Variants in WDR7 observed in about 807,000 individuals in gnomAD.
WDR7 encodes the protein WD repeat-containing protein 7.
In WDR7, 46 loss-of-function variants were observed where a neutral mutation model predicts 169.4. The observed-to-expected ratio is 0.27, with a 90% CI of 0.21 to 0.35. The LOEUF is 0.35. Among genes scored for constraint, WDR7 ranks in the 10% least tolerant of loss-of-function variants. WDR7 has a pLI of 1.00. For missense variants in WDR7, 1,534 were observed against 1,859.3 expected, an observed-to-expected ratio of 0.83 and a Z score of 3.22; for synonymous variants, 612 against 666.8, an observed-to-expected ratio of 0.92 and a Z score of 1.27.
At chr18:56,793,903 A>C (rs2047299718) in intron 19 of WDR7, among the ~76,000 whole-genome samples, 1 of 152,228 alleles carries the variant, frequency 6.6e-6, no homozygotes, top group Non-Finnish European at 1.5e-5. Context: ...AAAACACATC[A>C]AACAGGGACC....
chr18:56,831,920 G>C (rs1051601354), intron 20 of WDR7, among the ~76,000 whole-genome samples: 1 of 152,142 alleles, frequency 6.6e-6, no homozygotes, highest in African/African-American at 2.4e-5. Flanking sequence ...TGTTTGCGCG[G>C]ACACCAAGCT....
chr18:56,677,130 C>G (rs1427329253), intron 2 of WDR7, among the ~76,000 whole-genome samples: 1 of 152,108 alleles, frequency 6.6e-6, no homozygotes, highest in Non-Finnish European at 1.5e-5. Context: ...TCTTTCTGAT[C>G]GAAGTACTCC....
intron 21 of WDR7, among the ~76,000 whole-genome samples, chr18:56,915,604 A>C (rs1265616029): frequency 6.6e-6 from 1 of 152,160 alleles, no homozygotes; most frequent in Non-Finnish European, 1.5e-5. Context: ...AATTGTCTTA[A>C]CTAGGCCAGT....
At chr18:56,771,097 T>A (rs2044148353) in intron 16 of WDR7, among the ~76,000 whole-genome samples, 1 of 152,224 alleles carries the variant, frequency 6.6e-6, no homozygotes, top group African/African-American at 2.4e-5. Flanking sequence ...CTGCAGTGAC[T>A]TTTTAGGATA....
chr18:56,770,814 G>A (rs1054995330), intron 16 of WDR7, among the ~76,000 whole-genome samples: 5 of 151,288 alleles, frequency 3.3e-5, no homozygotes, highest in Non-Finnish European at 7.4e-5. Context: ...TTTTCCCTAA[G>A]AATCTTTGGA....
At chr18:56,859,903 C>T (rs769693711) in intron 20 of WDR7, among the ~76,000 whole-genome samples, 3 of 152,148 alleles carry the variant, frequency 2.0e-5, no homozygotes, top group Non-Finnish European at 4.4e-5. Context: ...TATAGGCATT[C>T]GCTCCTTTAA....
chr18:56,735,647 G>A (rs1449157265), intron 14 of WDR7, among the ~76,000 whole-genome samples: 2 of 152,076 alleles, frequency 1.3e-5, no homozygotes, highest in Non-Finnish European at 2.9e-5. Flanking sequence ...ATTAGCAACT[G>A]ATGCACCTAA....
At chr18:56,722,730 A>G (rs1432107986) in intron 13 of WDR7, among the ~76,000 whole-genome samples, 1 of 152,098 alleles carries the variant, frequency 6.6e-6, no homozygotes, top group Non-Finnish European at 1.5e-5. Context: ...TGGAGATATG[A>G]CTGTGCTTAC....
At chr18:56,867,349 A>T (rs967625671) in intron 20 of WDR7, among the ~76,000 whole-genome samples, 9 of 152,228 alleles carry the variant, frequency 5.9e-5, no homozygotes, top group Admixed American at 1.3e-4. Flanking sequence ...AAATTTTTTT[A>T]AAAATCTCAG....
intron 13 of WDR7, among the ~76,000 whole-genome samples, chr18:56,722,797 G>A (rs1239960446): frequency 6.6e-6 from 1 of 151,918 alleles, no homozygotes; most frequent in African/African-American, 2.4e-5. Context: ...TTCCCATTAG[G>A]TATCCCTCAA....
At chr18:56,943,982 G>GA (rs2047066429) in intron 25 of WDR7, among the ~76,000 whole-genome samples, 6 of 78,758 alleles carry the variant, frequency 7.6e-5, no homozygotes, top group Admixed American at 1.8e-4. Flanking sequence ...TGTTTTGTGG[G>GA]TTTTTTTTTT....
chr18:56,840,687 C>T (rs566560913), intron 20 of WDR7, among the ~76,000 whole-genome samples: 5 of 151,348 alleles, frequency 3.3e-5, no homozygotes, highest in African/African-American at 4.8e-5. Flanking sequence ...CTGGTAGTGG[C>T]GTGTGCTGGT....
chr18:56,665,781 C>T (rs1436540412), intron 1 of WDR7, among the ~76,000 whole-genome samples: 3 of 152,116 alleles, frequency 2.0e-5, no homozygotes, highest in South Asian at 2.1e-4. Flanking sequence ...CCCTGGTGAG[C>T]GGACTCTGAG....
intron 20 of WDR7, among the ~76,000 whole-genome samples, chr18:56,826,309 CTA>C (rs2145260193): frequency 9.5e-6 from 1 of 104,840 alleles, no homozygotes; most frequent in Admixed American, 8.7e-5. Context: ...TTCACAGACT[CTA>C]TGTCATACCT....
chr18:56,787,147 A>G (rs1437387992), intron 19 of WDR7, among the ~76,000 whole-genome samples: 4 of 152,052 alleles, frequency 2.6e-5, no homozygotes, highest in African/African-American at 9.7e-5. Context: ...TATGAGGTCA[A>G]GCACCTGCTG....
At chr18:56,973,883 G>A (rs898308088) in intron 26 of WDR7, among the ~76,000 whole-genome samples, 9 of 152,162 alleles carry the variant, frequency 5.9e-5, no homozygotes, top group Non-Finnish European at 8.8e-5. Context: ...CCCAGAAGTC[G>A]GTCACTTCAT....
intron 13 of WDR7, among the ~76,000 whole-genome samples, chr18:56,720,553 A>G (rs1035182058): frequency 2.0e-5 from 3 of 152,258 alleles, no homozygotes; most frequent in African/African-American, 7.2e-5. Context: ...CAAATTAAGT[A>G]TGATGAAGAG....
At position 56,694,558 on chromosome 18, in the gene WDR7, A is replaced by G. The variant is rs1336719497; in HGVS notation, c.967-61A>G. The G allele has an allele frequency of 3.3e-6, 5 of 1,507,132 alleles. No homozygotes were observed. In the Admixed American group the frequency reaches 9.3e-5, roughly 28 times the overall value. 93.4% of individuals were successfully genotyped at this position (1,507,132 alleles called of 1,614,324 possible). A position where few individuals can be genotyped will look rare whatever the true frequency, so the allele number is the denominator to read the frequency against. ...CTAATATCTTTGTTTGAAAAGCATT[A>G]ATGTGTGAAATATTTTGATTAAAAA... On this transcript the variant is annotated intron_variant, in intron 9 of 27. Transcript: ENST00000254442.
chr18:56,807,096 A>C (rs772656036), intron 19 of WDR7, among the ~76,000 whole-genome samples: 1 of 148,480 alleles, frequency 6.7e-6, no homozygotes, highest in Non-Finnish European at 1.5e-5. Flanking sequence ...TAGTGAGTGC[A>C]CTGTTTTTGT....
Sources: allele counts gnomAD v4.1 joint callset (sites outside exome capture counted in the v4.1 genomes callset), GRCh38; gene constraint gnomAD v4.1.1; transcripts MANE v1.5; gene names NCBI Gene and HGNC (gene_info 2026-07-23, HGNC 2026-07-21).